XKR4: variants seen among roughly 807,000 people sequenced by gnomAD.
The protein encoded by XKR4 is XK-related protein 4.
XKR4 carries 12 observed loss-of-function variants against 53.9 expected under a neutral mutation model. That is an observed-to-expected ratio of 0.22 (90% CI 0.14 to 0.36). XKR4 has a LOEUF of 0.36. Ranked by LOEUF, XKR4 falls within the 10% of genes least tolerant of loss-of-function variation. The pLI, the probability that XKR4 is intolerant of heterozygous loss-of-function variation, is 1.00. For synonymous variants in XKR4, 354 were observed against 362.4 expected, an observed-to-expected ratio of 0.98 and a Z score of 0.26; for missense variants, 799 against 859.5, an observed-to-expected ratio of 0.93 and a Z score of 0.88.
At chr8:55,103,711 T>A (rs928555362) in intron 1 of XKR4, among the ~76,000 whole-genome samples, 16 of 151,804 alleles carry the variant, frequency 1.1e-4, no homozygotes, top group Non-Finnish European at 1.9e-4. Flanking sequence ...TTTGGATGGT[T>A]TCTTTTGTTC....
chr8:55,405,669 T>C (rs1196675176), intron 2 of XKR4, among the ~76,000 whole-genome samples: 1 of 152,238 alleles, frequency 6.6e-6, no homozygotes, highest in Non-Finnish European at 1.5e-5. Flanking sequence ...CCAAATTTAT[T>C]TGATTTTGAA....
chr8:55,439,673 A>G (rs2622596), intron 2 of XKR4, among the ~76,000 whole-genome samples: 38,116 of 152,134 alleles, frequency 0.25, 5,164 homozygotes, highest in Non-Finnish European at 0.32. Flanking sequence ...ATGCAGCACA[A>G]AGAGACAAAG....
At chr8:55,209,758 C>A (rs1817703930) in intron 1 of XKR4, among the ~76,000 whole-genome samples, 1 of 152,244 alleles carries the variant, frequency 6.6e-6, no homozygotes, top group Non-Finnish European at 1.5e-5. Flanking sequence ...CTTCTTTTCA[C>A]ATCACAACAC....
chr8:55,104,622 G>A (rs1438406917), intron 1 of XKR4, among the ~76,000 whole-genome samples: 1 of 151,856 alleles, frequency 6.6e-6, no homozygotes, highest in East Asian at 1.9e-4. Context: ...TGGGACCAGA[G>A]CTTTGTAAAG....
rs1806754682 is a variant in XKR4 at position 55,518,807 on chromosome 8, G to A, written c.1007-4474G>A. ...AAGAGAACTGAGGACTGCATCCCAA[G>A]CAATGCCAGTAGCTAAAGGACAACC... On this transcript the variant is annotated intron_variant, in intron 2 of 2. Coordinates refer to ENST00000327381, the MANE Select transcript of XKR4 (RefSeq NM_052898.2). Among the ~76,000 whole-genome samples the A allele has an allele frequency of 1.3e-5, 2 of 152,128 alleles. 1 individual carries two copies. Among genetic ancestry groups the A allele is most frequent in the Non-Finnish European group, 2.9e-5 (2 of 68,028 alleles).
At chr8:55,204,202 C>T (rs1005194888) in intron 1 of XKR4, among the ~76,000 whole-genome samples, 2 of 151,954 alleles carry the variant, frequency 1.3e-5, no homozygotes, top group African/African-American at 4.8e-5. Flanking sequence ...AGACAGTTCT[C>T]GCAACGTTGC....
chr8:55,149,257 T>A (rs1816810254), intron 1 of XKR4, among the ~76,000 whole-genome samples: 1 of 152,210 alleles, frequency 6.6e-6, no homozygotes, highest in Non-Finnish European at 1.5e-5. Context: ...TCTAACTAAT[T>A]GTTTCCATCA....
intron 2 of XKR4, among the ~76,000 whole-genome samples, chr8:55,478,065 A>T (rs1440319052): frequency 6.6e-6 from 1 of 152,082 alleles, no homozygotes; most frequent in Non-Finnish European, 1.5e-5. Flanking sequence ...CGCCACAAAG[A>T]TACTCCTCGA....
chr8:55,183,320 G>T (rs1043492645), intron 1 of XKR4, among the ~76,000 whole-genome samples: 4 of 150,664 alleles, frequency 2.7e-5, no homozygotes, highest in Non-Finnish European at 5.9e-5. Flanking sequence ...TTAGGTTAAT[G>T]GTTCAAGACT....
At chr8:55,111,739 C>A (rs1008669129) in intron 1 of XKR4, among the ~76,000 whole-genome samples, 1 of 152,108 alleles carries the variant, frequency 6.6e-6, no homozygotes. Context: ...GTGAGGTATG[C>A]ATAGCTGGAG....
At position 55,102,498 on chromosome 8, in the gene XKR4, A is replaced by G; in HGVS notation, c.10A>G (p.Lys4Glu). 2 of 1,548,430 alleles carry G rather than the reference A, an allele frequency of 1.3e-6. No individual in the cohort carries two copies. Among genetic ancestry groups the G allele is most frequent in the Non-Finnish European group, 1.8e-6 (2 of 1,142,410 alleles). MAAKSDGRLKMKKS... is the reference protein window; with the variant it reads MAAESDGRLKMKKS... ...CCGGTGTGGAGGCATCATGGCCGCT[A>G]AATCAGACGGGAGGCTGAAAATGAA... Residue 4 changes from lysine to glutamate, a missense_variant, in exon 1 of 3, where the codon AAA (lysine) becomes GAA (glutamate). Coordinates refer to ENST00000327381, the MANE Select transcript of XKR4 (RefSeq NM_052898.2). This position sits in a 1 kb window ranked among gnomAD's most constrained non-coding sequence, Gnocchi z 5.1.
intron 1 of XKR4, among the ~76,000 whole-genome samples, chr8:55,177,710 A>G (rs1044909811): frequency 3.3e-5 from 5 of 152,248 alleles, no homozygotes; most frequent in African/African-American, 1.2e-4. Context: ...TTCTGAAGTT[A>G]TAAATGTCAC....
intron 1 of XKR4, among the ~76,000 whole-genome samples, chr8:55,343,198 A>G (rs1803583567): frequency 6.6e-6 from 1 of 152,180 alleles, no homozygotes; most frequent in African/African-American, 2.4e-5. Flanking sequence ...CATTTACCAA[A>G]TTCTTACACC....
intron 2 of XKR4, among the ~76,000 whole-genome samples, chr8:55,363,466 T>C (rs1765532746): frequency 6.6e-6 from 1 of 152,146 alleles, no homozygotes; most frequent in Non-Finnish European, 1.5e-5. Context: ...TGTCCTCAAA[T>C]ATCCGGCAAA....
At chr8:55,324,085 AG>A (rs1803257503) in intron 1 of XKR4, among the ~76,000 whole-genome samples, 1 of 152,082 alleles carries the variant, frequency 6.6e-6, no homozygotes, top group African/African-American at 2.4e-5. Flanking sequence ...GGGTTATCTT[AG>A]GGTTGACATT....
intron 2 of XKR4, among the ~76,000 whole-genome samples, chr8:55,470,198 GATA>G (rs1157291678): frequency 2.0e-5 from 3 of 152,158 alleles, no homozygotes; most frequent in Non-Finnish European, 4.4e-5. Context: ...GCATGCGTCA[GATA>G]ATAATATTGG....
intron 1 of XKR4, among the ~76,000 whole-genome samples, chr8:55,331,267 T>C (rs571407638): frequency 1.3e-5 from 2 of 152,368 alleles, no homozygotes; most frequent in East Asian, 3.9e-4. Context: ...TTTTCCAGTT[T>C]TTCTACTGCC....
In XKR4 at chr8:55,464,477, C is replaced by G. The variant is rs569135191; in HGVS notation, c.1007-58804C>G. 5.3e-5 allele frequency among the ~76,000 whole-genome samples: 8 copies of G among 152,220 alleles called. No individual in the cohort carries two copies. The East Asian group carries it at 1.5e-3, about 29-fold the overall frequency. ...AATTATGTATTGATGGGACGTATCT[C>G]AAAATAATAAGAGCTATCTATGACA... On this transcript the variant is annotated intron_variant, in intron 2 of 2. Coordinates refer to ENST00000327381, the MANE Select transcript of XKR4 (RefSeq NM_052898.2).
intron 2 of XKR4, among the ~76,000 whole-genome samples, chr8:55,517,947 G>C (rs1806740426): frequency 6.6e-6 from 1 of 152,208 alleles, no homozygotes; most frequent in Non-Finnish European, 1.5e-5. Context: ...CTCACCAGCT[G>C]CAATTTGGTT....
Sources: gnomAD v4.1 joint callset for allele counts (sites outside exome capture counted in the v4.1 genomes callset) on GRCh38, gnomAD v4.1.1 for gene constraint, Gnocchi (gnomAD v3.1) non-coding constraint, MANE v1.5 for transcripts, NCBI Gene and HGNC (gene_info 2026-07-23, HGNC 2026-07-21) for gene names.